Variants in EYA2 observed in about 807,000 individuals in gnomAD.
The protein encoded by EYA2 is protein phosphatase EYA2.
Under a neutral mutation model 69.2 loss-of-function variants are expected in EYA2, and 31 were observed. That is an observed-to-expected ratio of 0.45 (90% CI 0.34 to 0.60). The LOEUF (loss-of-function observed/expected upper bound fraction) is 0.60, where lower values mean the gene tolerates loss of function less well. Ranked by LOEUF, EYA2 falls within the 20% of genes least tolerant of loss-of-function variation. EYA2 has a pLI of 0.02. For synonymous variants in EYA2, 257 were observed against 279.4 expected (o/e 0.92, Z 0.80); for missense variants, 622 against 701.2 (o/e 0.89, Z 1.28).
At chr20:47,035,583 G>A (rs1049842091) in intron 5 of EYA2, among the ~76,000 whole-genome samples, 2 of 152,116 alleles carry the variant, frequency 1.3e-5, no homozygotes, top group African/African-American at 2.4e-5. Context: ...TGGCAGCTTG[G>A]GACCCTGAGG....
chr20:46,974,036 T>C lies in EYA2; in HGVS notation c.-10-15965T>C, dbSNP rs1456117289. On this transcript the variant is annotated intron_variant, in intron 1 of 15. Coordinates refer to ENST00000327619, the MANE Select transcript of EYA2 (RefSeq NM_005244.5). Reference sequence around the variant, plus strand: ...AAGCACGGGGCTCTCAATCCATCTCTGCTACTTACCGTTGATTTTAGGCAA... The same window carrying C: ...AAGCACGGGGCTCTCAATCCATCTCCGCTACTTACCGTTGATTTTAGGCAA... Among the ~76,000 whole-genome samples the C allele has an allele frequency of 5.9e-5, 9 of 152,300 alleles. No individual in the cohort carries two copies. In the Middle Eastern group the frequency reaches 0.01, roughly 173 times the overall value.
intron 1 of EYA2, among the ~76,000 whole-genome samples, chr20:46,961,479 A>G (rs1184745993): frequency 6.6e-6 from 1 of 152,248 alleles, no homozygotes; most frequent in Non-Finnish European, 1.5e-5. Context: ...CAAGAAAACT[A>G]AAAATATAGC....
intron 10 of EYA2, among the ~76,000 whole-genome samples, chr20:47,152,767 C>T (rs1225221594): frequency 2.0e-5 from 3 of 150,134 alleles, no homozygotes; most frequent in Admixed American, 6.6e-5. Context: ...GCCGAGATCG[C>T]GCCACTGCAC....
intron 1 of EYA2, among the ~76,000 whole-genome samples, chr20:46,955,328 C>T (rs1025312656): frequency 2.0e-5 from 3 of 152,130 alleles, no homozygotes; most frequent in African/African-American, 4.8e-5. Flanking sequence ...TTAATGAGCA[C>T]CTACTGTGTG....
At chr20:47,023,756 GCCA>G in intron 5 of EYA2, among the ~76,000 whole-genome samples, 1 of 147,026 alleles carries the variant, frequency 6.8e-6, no homozygotes, top group Non-Finnish European at 1.5e-5. Context: ...TTATGCCTCA[GCCA>G]CCTGAGTAGC....
At chr20:46,992,635 C>T (rs1009294398) in intron 2 of EYA2, among the ~76,000 whole-genome samples, 1 of 152,172 alleles carries the variant, frequency 6.6e-6, no homozygotes. Context: ...TGGTGAAATC[C>T]ACAGACACAC....
intron 5 of EYA2, among the ~76,000 whole-genome samples, chr20:47,038,754 A>T (rs1212576581): frequency 6.6e-6 from 1 of 152,228 alleles, no homozygotes; most frequent in Non-Finnish European, 1.5e-5. Flanking sequence ...CCATTGAACA[A>T]CTAGTCCCCG....
chr20:47,112,862 C>CTGTTTTTTT (rs2032784845), intron 9 of EYA2, among the ~76,000 whole-genome samples: 1 of 55,808 alleles, frequency 1.8e-5, no homozygotes, highest in Non-Finnish European at 3.5e-5. Context: ...ATGTTCACTC[C>CTGTTTTTTT]TTTTTTTTTT....
intron 1 of EYA2, among the ~76,000 whole-genome samples, chr20:46,938,950 A>G (rs1439371975): frequency 8.6e-5 from 13 of 151,924 alleles, no homozygotes; most frequent in Admixed American, 8.5e-4. Flanking sequence ...CCTAACATTC[A>G]CTCTGTATTC....
chr20:47,063,145 G>C (rs114922736), intron 5 of EYA2, among the ~76,000 whole-genome samples: 2,109 of 152,212 alleles, frequency 0.014, 53 homozygotes, highest in African/African-American at 0.049. Context: ...GTGTTATGCA[G>C]TCACCACCTC....
At chr20:46,897,526 A>AGAGC (rs1182481284) in intron 1 of EYA2, among the ~76,000 whole-genome samples, 2 of 152,244 alleles carry the variant, frequency 1.3e-5, no homozygotes, top group South Asian at 2.1e-4. Flanking sequence ...TAACCAGCTC[A>AGAGC]GAGCGAGGAC....
chr20:47,023,778 C>G (rs749200739), intron 5 of EYA2, among the ~76,000 whole-genome samples: 9 of 151,822 alleles, frequency 5.9e-5, no homozygotes, highest in Non-Finnish European at 1.2e-4. Context: ...GCTGGGCTTA[C>G]AGGTGCTCAC....
At chr20:47,160,961 TC>T (rs1343911658) in intron 10 of EYA2, 1 of 286,064 alleles carries the variant, frequency 3.5e-6, no homozygotes, top group African/African-American at 2.3e-5. Context: ...GTGAATACAG[TC>T]TCCTTCCAGA....
At position 47,124,488 on chromosome 20, in the gene EYA2, C is replaced by T. The variant is rs991645768; in HGVS notation, c.889-18571C>T. 5.3e-5 allele frequency among the ~76,000 whole-genome samples: 8 copies of T among 152,136 alleles called. No individual in the cohort carries two copies. In the South Asian group the frequency reaches 6.2e-4, roughly 12 times the overall value. On this transcript the variant is annotated intron_variant, in intron 9 of 15. Transcript: ENST00000327619. ...GACTACTAATAATAAGCAGAAAGCA[C>T]GTGGTGTTGATGGGGATGTTGTCAA...
chr20:47,103,253 A>C (rs1005756448), intron 9 of EYA2, among the ~76,000 whole-genome samples: 4 of 152,044 alleles, frequency 2.6e-5, no homozygotes, highest in Non-Finnish European at 4.4e-5. Context: ...ACTAGCAGTC[A>C]CCCCTGCCAT....
chr20:46,972,913 T>C (rs1980224258), intron 1 of EYA2, among the ~76,000 whole-genome samples: 1 of 152,252 alleles, frequency 6.6e-6, no homozygotes, highest in Non-Finnish European at 1.5e-5. Flanking sequence ...TATTCTGGAA[T>C]ATCTCTCTTC....
At chr20:47,052,876 A>C (rs535447272) in intron 5 of EYA2, among the ~76,000 whole-genome samples, 2 of 152,262 alleles carry the variant, frequency 1.3e-5, no homozygotes, top group South Asian at 4.1e-4. Flanking sequence ...CTCCTGTCTC[A>C]GCCTCCCAAA....
chr20:46,946,161 A>G (rs1978441089), intron 1 of EYA2, among the ~76,000 whole-genome samples: 1 of 152,066 alleles, frequency 6.6e-6, no homozygotes, highest in Non-Finnish European at 1.5e-5. Context: ...GACCTCACCC[A>G]TTGGATCCCT....
intron 9 of EYA2, among the ~76,000 whole-genome samples, chr20:47,104,762 T>G (rs1283758869): frequency 2.6e-5 from 4 of 152,180 alleles, no homozygotes; most frequent in Non-Finnish European, 4.4e-5. Context: ...GGCTCACACC[T>G]GTAATCTCAG....
Sources: allele counts gnomAD v4.1 joint callset (sites outside exome capture counted in the v4.1 genomes callset), GRCh38; gene constraint gnomAD v4.1.1; transcripts MANE v1.5; gene names NCBI Gene and HGNC (gene_info 2026-07-23, HGNC 2026-07-21).